CHRM2: variants seen among roughly 807,000 people sequenced by gnomAD.
CHRM2 encodes the protein cholinergic receptor muscarinic 2.
Under a neutral mutation model 25.0 loss-of-function variants are expected in CHRM2, and 8 were observed. That is an observed-to-expected ratio of 0.32 (90% CI 0.19 to 0.58). The LOEUF (loss-of-function observed/expected upper bound fraction) is 0.58, where lower values mean the gene tolerates loss of function less well. Among genes scored for constraint, CHRM2 ranks in the 20% least tolerant of loss-of-function variants. CHRM2 has a pLI of 0.88. For missense variants in CHRM2, 440 were observed against 567.1 expected, an observed-to-expected ratio of 0.78 and a Z score of 2.28; for synonymous variants, 202 against 205.7, an observed-to-expected ratio of 0.98 and a Z score of 0.15.
At chr7:136,945,695 C>T (rs371327372) in intron 2 of CHRM2, among the ~76,000 whole-genome samples, 1 of 152,086 alleles carries the variant, frequency 6.6e-6, no homozygotes, top group Non-Finnish European at 1.5e-5. Context: ...CTTGCTTTGG[C>T]TATGCGGGCT....
chr7:136,965,912 C>A (rs1584840909), intron 2 of CHRM2, among the ~76,000 whole-genome samples: 1 of 151,788 alleles, frequency 6.6e-6, no homozygotes. Flanking sequence ...AAAAAGAAAG[C>A]CAAGAGTGTG....
At chr7:136,890,349 A>C (rs79006796) in intron 2 of CHRM2, among the ~76,000 whole-genome samples, 1 of 152,208 alleles carries the variant, frequency 6.6e-6, no homozygotes, top group Non-Finnish European at 1.5e-5. Flanking sequence ...TACTGCTAAG[A>C]AAAACTGATG....
intron 3 of CHRM2, among the ~76,000 whole-genome samples, chr7:137,003,354 T>C (rs1433721030): frequency 6.6e-6 from 1 of 152,158 alleles, no homozygotes; most frequent in African/African-American, 2.4e-5. Flanking sequence ...TGATGCTTTA[T>C]GAGAAATTTT....
At chr7:136,958,481 C>T (rs1328197595) in intron 2 of CHRM2, among the ~76,000 whole-genome samples, 2 of 89,796 alleles carry the variant, frequency 2.2e-5, no homozygotes, top group African/African-American at 4.5e-5. Context: ...TCTGAGACAG[C>T]GTTTTATTCT....
chr7:137,011,215 G>GTTTGTATATATA, intron 3 of CHRM2, among the ~76,000 whole-genome samples: 8 of 134,286 alleles, frequency 6.0e-5, no homozygotes, highest in African/African-American at 2.6e-4. Context: ...GTGTGTGTGT[G>GTTTGTATATATA]TATATATATA....
intron 2 of CHRM2, chr7:136,903,117 GT>G (rs761585484): frequency 3.7e-6 from 2 of 533,432 alleles, no homozygotes; most frequent in African/African-American, 3.8e-5. Flanking sequence ...GTAGGTGTAG[GT>G]TTTTTATTCT....
chr7:136,906,373 T>A (rs1797551236), intron 2 of CHRM2, among the ~76,000 whole-genome samples: 1 of 151,214 alleles, frequency 6.6e-6, no homozygotes, highest in African/African-American at 2.4e-5. Flanking sequence ...ATGTATGTAT[T>A]ATATTTATAT....
chr7:136,914,073 C>T (rs1249987220), intron 2 of CHRM2: 1 of 151,950 alleles, frequency 6.6e-6, no homozygotes, highest in Non-Finnish European at 1.5e-5. Flanking sequence ...TCTCTCCTGC[C>T]TAACTCAATC....
At chr7:137,011,215 G>GTGTGTGTGTGTGTGTGTATATATA in intron 3 of CHRM2, among the ~76,000 whole-genome samples, 10 of 134,284 alleles carry the variant, frequency 7.4e-5, no homozygotes, top group Admixed American at 2.9e-4. Flanking sequence ...GTGTGTGTGT[G>GTGTGTGTGTGTGTGTGTATATATA]TATATATATA....
At chr7:136,971,337 A>C (rs1801753340) in intron 2 of CHRM2, among the ~76,000 whole-genome samples, 1 of 152,146 alleles carries the variant, frequency 6.6e-6, no homozygotes, top group Non-Finnish European at 1.5e-5. Context: ...TAGTTCAGTA[A>C]GTTTAAAGAC....
chr7:136,970,779 C>T (rs548273501), intron 2 of CHRM2, among the ~76,000 whole-genome samples: 11 of 152,242 alleles, frequency 7.2e-5, no homozygotes, highest in African/African-American at 2.6e-4. Context: ...TTTCTCTTTT[C>T]ACCTCTCTTT....
chr7:136,875,444 C>T lies in CHRM2; in HGVS notation c.-125+6026C>T, dbSNP rs1048464523. ...CCACTGCTGCCCTCTGATCAGACCC[C>T]AGGTTAAATCTGTTCCCTCAGAGGC... On this transcript the variant is annotated intron_variant, in intron 2 of 3. Transcript: ENST00000680005. Among the ~76,000 whole-genome samples the T allele has an allele frequency of 2.0e-5, 3 of 152,102 alleles. No homozygotes were observed. The East Asian group carries it at 5.8e-4, about 29-fold the overall frequency.
At chr7:136,936,244 C>G (rs77540760) in intron 2 of CHRM2, among the ~76,000 whole-genome samples, 3 of 152,050 alleles carry the variant, frequency 2.0e-5, no homozygotes, top group Non-Finnish European at 4.4e-5. Flanking sequence ...AGTGGTTCAC[C>G]GCTAATGTTA....
At chr7:136,956,224 G>T (rs1326275172) in intron 2 of CHRM2, among the ~76,000 whole-genome samples, 1 of 152,170 alleles carries the variant, frequency 6.6e-6, no homozygotes, top group Non-Finnish European at 1.5e-5. Flanking sequence ...CTTTGGAATG[G>T]CATGGAATAT....
chr7:136,894,664 G>A (rs149993674), intron 2 of CHRM2, among the ~76,000 whole-genome samples: 361 of 152,198 alleles, frequency 2.4e-3, no homozygotes, highest in Admixed American at 5.8e-3. Context: ...GAGCCACCAT[G>A]CCCAGCCTCT....
chr7:137,016,303 G>C lies in CHRM2; in HGVS notation c.*37G>C, dbSNP rs545411019. The stretch of plus-strand genomic sequence containing the variant: ...AAAAGATAGAAGGTGGGCAAGGGGA[G>C]CTTGAGAAGAATAAAAGGGATAAAC... On this transcript the variant is annotated 3_prime_UTR_variant, in exon 4 of 4. Coordinates refer to ENST00000680005, the MANE Select transcript of CHRM2 (RefSeq NM_001006630.2). The C allele has an allele frequency of 3.8e-6, 6 of 1,591,210 alleles. No homozygotes were observed. The highest frequency in any genetic ancestry group is 3.3e-5 in the South Asian group (3 of 90,434).
intron 2 of CHRM2, among the ~76,000 whole-genome samples, chr7:136,933,656 T>C (rs899438678): frequency 1.3e-5 from 2 of 152,128 alleles, no homozygotes; most frequent in African/African-American, 2.4e-5. Context: ...AATCAAAAAG[T>C]GGAAATAACT....
At chr7:136,965,971 C>T (rs1164553151) in intron 2 of CHRM2, among the ~76,000 whole-genome samples, 1 of 151,888 alleles carries the variant, frequency 6.6e-6, no homozygotes, top group Admixed American at 6.6e-5. Flanking sequence ...CAAGGAAAAC[C>T]TAGAGCTCTT....
intron 2 of CHRM2, among the ~76,000 whole-genome samples, chr7:136,920,723 TCTCAAAGCATAAG>T (rs1798382136): frequency 1.3e-5 from 2 of 152,176 alleles, no homozygotes; most frequent in African/African-American, 4.8e-5. Flanking sequence ...TATCATTGTT[TCTCAAAGCATAAG>T]CTCAAAAAGC....
Sources: allele counts gnomAD v4.1 joint callset (sites outside exome capture counted in the v4.1 genomes callset), GRCh38; gene constraint gnomAD v4.1.1; transcripts MANE v1.5; gene names NCBI Gene and HGNC (gene_info 2026-07-23, HGNC 2026-07-21).